The following CARMIL1 variants were observed in gnomAD, a reference collection of about 807,000 sequenced individuals.
CARMIL1 encodes F-actin-uncapping protein LRRC16A.
A neutral mutation model predicts 177.1 loss-of-function variants in CARMIL1; 90 were observed. The observed-to-expected ratio is 0.51, with a 90% CI of 0.43 to 0.61. CARMIL1 has a LOEUF of 0.61. CARMIL1 is among the 20% of genes least tolerant of loss of function. CARMIL1 has a pLI of 0.00. For synonymous variants in CARMIL1, 577 were observed against 606.2 expected (o/e 0.95, Z 0.71); for missense variants, 1,380 against 1,667.0 (o/e 0.83, Z 3.00).
At position 25,482,264 on chromosome 6, in the gene CARMIL1, C is replaced by A. The variant is rs764482077; in HGVS notation, c.882C>A (p.Ser294=). 1.3e-6 allele frequency: 2 copies of A among 1,562,640 alleles called. No individual in the cohort carries two copies. The highest frequency in any genetic ancestry group is 1.7e-6 in the Non-Finnish European group (2 of 1,145,092). Residue 294 remains serine, a synonymous_variant, in exon 12 of 37, where the codon TCC becomes TCA. Coordinates refer to ENST00000329474, the MANE Select transcript of CARMIL1 (RefSeq NM_017640.6). The part of the protein sequence containing the change: ...AGNPLEDRGV[S]SLSIQFAKLP... ...TTCTTTTTCCTTTCTCAGGTGTGTC[C>A]TCTTTAAGTATTCAATTTGCCAAAC... is the stretch of plus-strand genomic sequence containing the variant.
intron 4 of CARMIL1, among the ~76,000 whole-genome samples, chr6:25,428,688 T>C (rs1796478132): frequency 6.6e-6 from 1 of 152,222 alleles, no homozygotes; most frequent in Non-Finnish European, 1.5e-5. Context: ...TTTAGGTCTT[T>C]TTCAGTTTTT....
At chr6:25,527,572 T>C (rs1278319239) in intron 23 of CARMIL1, 11 of 349,046 alleles carry the variant, frequency 3.2e-5, no homozygotes, top group East Asian at 9.3e-5. Context: ...ATATTTTGCA[T>C]TGATAGTCAT....
intron 2 of CARMIL1, among the ~76,000 whole-genome samples, chr6:25,333,643 A>C (rs1295699619): frequency 2.0e-5 from 3 of 150,934 alleles, no homozygotes; most frequent in Non-Finnish European, 4.5e-5. Context: ...TTGACAGTGG[A>C]GGGTTTTTTT....
intron 31 of CARMIL1, among the ~76,000 whole-genome samples, chr6:25,586,994 C>T (rs1437486981): frequency 3.5e-5 from 4 of 115,640 alleles, no homozygotes; most frequent in East Asian, 3.0e-4. Context: ...AGAGGGAGAC[C>T]GTGGAGACAG....
chr6:25,536,236 C>T (rs990715249), intron 24 of CARMIL1, among the ~76,000 whole-genome samples: 2 of 152,042 alleles, frequency 1.3e-5, no homozygotes, highest in African/African-American at 4.8e-5. Context: ...TCAGGAGGCA[C>T]AGATCAATAC....
intron 2 of CARMIL1, among the ~76,000 whole-genome samples, chr6:25,320,863 TA>T: frequency 6.6e-6 from 1 of 152,316 alleles, no homozygotes; most frequent in African/African-American, 2.4e-5. Flanking sequence ...GGGCTACACG[TA>T]AAATACGCTA....
chr6:25,320,888 C>G lies in CARMIL1; in HGVS notation c.138+35979C>G, dbSNP rs371833836. On this transcript the variant is annotated intron_variant, in intron 2 of 36. Coordinates refer to ENST00000329474, the MANE Select transcript of CARMIL1 (RefSeq NM_017640.6). ...TAAAATACGCTAACACTAATGATAG[C>G]TAATGATCTTAAAAAATTGCCAAAA... Among the ~76,000 whole-genome samples the G allele has an allele frequency of 4.6e-5, 7 of 152,290 alleles. No individual in the cohort carries two copies. The East Asian group carries it at 9.6e-4, about 21-fold the overall frequency.
At chr6:25,424,890 G>A (rs145614951) in intron 3 of CARMIL1, among the ~76,000 whole-genome samples, 200 of 152,252 alleles carry the variant, frequency 1.3e-3, no homozygotes, top group African/African-American at 4.7e-3. Context: ...GGCTTATGCA[G>A]AAAGGCCACT....
At chr6:25,587,527 A>T (rs1813877234) in intron 31 of CARMIL1, among the ~76,000 whole-genome samples, 1 of 152,184 alleles carries the variant, frequency 6.6e-6, no homozygotes, top group Non-Finnish European at 1.5e-5. Flanking sequence ...TTACTTAAAA[A>T]CATTGTTGTT....
chr6:25,528,525 A>G (rs1487145145), intron 23 of CARMIL1, among the ~76,000 whole-genome samples: 2 of 152,208 alleles, frequency 1.3e-5, no homozygotes, highest in Non-Finnish European at 2.9e-5. Flanking sequence ...CTAACCCTTC[A>G]GGCAATTAAA....
chr6:25,441,337 A>ATATGTGTGTGTG, intron 5 of CARMIL1, among the ~76,000 whole-genome samples: 1,214 of 94,478 alleles, frequency 0.013, 22 homozygotes, highest in East Asian at 0.033. Context: ...ATATATATAT[A>ATATGTGTGTGTG]TGTGTGTGTG....
chr6:25,523,251 CA>C (rs1216385748), intron 23 of CARMIL1, among the ~76,000 whole-genome samples: 2 of 152,076 alleles, frequency 1.3e-5, no homozygotes, highest in Non-Finnish European at 2.9e-5. Flanking sequence ...ATAAGTTACT[CA>C]ATTTTTTTGA....
chr6:25,442,990 C>T (rs981895489), intron 5 of CARMIL1, among the ~76,000 whole-genome samples: 1 of 152,134 alleles, frequency 6.6e-6, no homozygotes, highest in African/African-American at 2.4e-5. Context: ...TTAATCCCAC[C>T]AGCTTCCGGT....
chr6:25,492,965 A>G (rs548829236), intron 15 of CARMIL1, among the ~76,000 whole-genome samples: 1 of 152,310 alleles, frequency 6.6e-6, no homozygotes, highest in Admixed American at 6.5e-5. Context: ...GTCTGAAAAT[A>G]TAATGGTGGG....
intron 11 of CARMIL1, among the ~76,000 whole-genome samples, chr6:25,478,390 A>C (rs1399030785): frequency 6.6e-6 from 1 of 152,176 alleles, no homozygotes; most frequent in African/African-American, 2.4e-5. Flanking sequence ...TCTGTACCTC[A>C]GCTTCCTTAT....
chr6:25,514,275 G>A (rs188008281), intron 20 of CARMIL1, among the ~76,000 whole-genome samples: 16 of 152,218 alleles, frequency 1.1e-4, no homozygotes, highest in African/African-American at 2.9e-4. Flanking sequence ...GGCCTGGTGC[G>A]GTGGTTCACG....
intron 8 of CARMIL1, among the ~76,000 whole-genome samples, chr6:25,455,441 T>C (rs1712860158): frequency 6.6e-6 from 1 of 152,216 alleles, no homozygotes; most frequent in Non-Finnish European, 1.5e-5. Context: ...TTATGCTCTG[T>C]GATGTGATAC....
chr6:25,305,256 A>C (rs1431842191), intron 2 of CARMIL1, among the ~76,000 whole-genome samples: 1 of 152,212 alleles, frequency 6.6e-6, no homozygotes, highest in African/African-American at 2.4e-5. Context: ...TAGGTCTGCA[A>C]TTTTAGTTAA....
intron 5 of CARMIL1, among the ~76,000 whole-genome samples, chr6:25,445,692 G>A (rs922718445): frequency 1.4e-4 from 22 of 151,798 alleles, no homozygotes; most frequent in Non-Finnish European, 4.4e-5. Context: ...CCGCCACCAG[G>A]TCCGGCTAAT....
Sources: gnomAD v4.1 joint callset for allele counts (sites outside exome capture counted in the v4.1 genomes callset) on GRCh38, gnomAD v4.1.1 for gene constraint, MANE v1.5 for transcripts, NCBI Gene and HGNC (gene_info 2026-07-23, HGNC 2026-07-21) for gene names.